Variants in OSBPL10 observed in about 807,000 individuals in gnomAD.
OSBPL10 encodes oxysterol binding protein like 10.
In OSBPL10, 49 loss-of-function variants were observed where a neutral mutation model predicts 81.7. That is an observed-to-expected ratio of 0.60 (90% CI 0.48 to 0.76). The LOEUF (loss-of-function observed/expected upper bound fraction) is 0.76. Ranked by LOEUF, OSBPL10 falls within the 30% of genes least tolerant of loss-of-function variation. The pLI is 0.00. For missense variants in OSBPL10, 923 were observed against 987.8 expected (o/e 0.93, Z 0.88); for synonymous variants, 419 against 383.6 (o/e 1.09, Z -1.08).
At chr3:31,831,429 AAAG>A (rs1700239305) in intron 3 of OSBPL10, among the ~76,000 whole-genome samples, 1 of 152,002 alleles carries the variant, frequency 6.6e-6, no homozygotes, top group South Asian at 2.1e-4. Flanking sequence ...AGAAAAGAAA[AAAG>A]AAAAGCTTGA....
At chr3:31,810,431 TATA>T (rs369989554) in intron 4 of OSBPL10, among the ~76,000 whole-genome samples, 12 of 149,774 alleles carry the variant, frequency 8.0e-5, no homozygotes, top group Non-Finnish European at 1.3e-4. Flanking sequence ...AAAAAATGTT[TATA>T]ATAATGACAC....
intron 1 of OSBPL10, among the ~76,000 whole-genome samples, chr3:31,956,737 A>G (rs1698020190): frequency 6.6e-6 from 1 of 152,046 alleles, no homozygotes; most frequent in East Asian, 1.9e-4. Flanking sequence ...TCAAAAAAAA[A>G]AAGGGGGCCT....
intron 2 of OSBPL10, among the ~76,000 whole-genome samples, chr3:31,877,146 C>T (rs1336332893): frequency 1.3e-5 from 2 of 152,124 alleles, no homozygotes; most frequent in African/African-American, 4.8e-5. Flanking sequence ...ACCTCATGAT[C>T]CACCCGCCTT....
chr3:31,726,322 T>A (rs1315799061), intron 6 of OSBPL10, among the ~76,000 whole-genome samples: 1 of 150,768 alleles, frequency 6.6e-6, no homozygotes, highest in South Asian at 2.1e-4. Context: ...TTTTTTTTTT[T>A]ATTTTATTTT....
chr3:32,018,173 A>C (rs1174245676), intron 2 of OSBPL10, among the ~76,000 whole-genome samples: 1 of 151,414 alleles, frequency 6.6e-6, no homozygotes, highest in Non-Finnish European at 1.5e-5. Context: ...TAAATAAATA[A>C]ATAAATAAAT....
At chr3:32,074,923 G>A (rs534130943) in intron 1 of OSBPL10, among the ~76,000 whole-genome samples, 1 of 152,274 alleles carries the variant, frequency 6.6e-6, no homozygotes, top group African/African-American at 2.4e-5. Flanking sequence ...AACTGGACAA[G>A]CACATGTACT....
intron 5 of OSBPL10, among the ~76,000 whole-genome samples, chr3:31,736,469 A>G (rs1374569034): frequency 6.6e-6 from 1 of 152,196 alleles, no homozygotes; most frequent in Non-Finnish European, 1.5e-5. Flanking sequence ...AGCTGAACTA[A>G]GAAAACCAGC....
chr3:31,770,901 A>C (rs1275888323), intron 4 of OSBPL10, among the ~76,000 whole-genome samples: 1 of 152,184 alleles, frequency 6.6e-6, no homozygotes, highest in Admixed American at 6.5e-5. Flanking sequence ...TGGTCGAGGG[A>C]GCACCCCATT....
chr3:31,727,601 T>G (rs7626200), intron 6 of OSBPL10, among the ~76,000 whole-genome samples: 15,032 of 152,204 alleles, frequency 0.099, 1,851 homozygotes, highest in African/African-American at 0.29. Context: ...ATAAAGTGAT[T>G]TTCAATCATC....
At chr3:31,978,193 T>C (rs4383559) in intron 1 of OSBPL10, among the ~76,000 whole-genome samples, 40,610 of 152,004 alleles carry the variant, frequency 0.27, 6,460 homozygotes, top group East Asian at 0.72. Context: ...CCTGAGAGGA[T>C]GAACCAAGAA....
intron 1 of OSBPL10, among the ~76,000 whole-genome samples, chr3:31,909,648 C>T (rs951678244): frequency 6.6e-5 from 10 of 152,138 alleles, no homozygotes; most frequent in Non-Finnish European, 1.2e-4. Flanking sequence ...GACACCCCAA[C>T]GATTTCACTT....
At chr3:31,847,176 C>T (rs367692917) in intron 3 of OSBPL10, among the ~76,000 whole-genome samples, 29 of 151,684 alleles carry the variant, frequency 1.9e-4, no homozygotes, top group African/African-American at 6.5e-4. Context: ...CACAAGTCAT[C>T]TGCAATTCTC....
chr3:31,693,521 C>T (rs781321708), intron 7 of OSBPL10, among the ~76,000 whole-genome samples: 6 of 152,162 alleles, frequency 3.9e-5, no homozygotes, highest in Non-Finnish European at 8.8e-5. Context: ...ATGTCATTTT[C>T]CATAAACCTG....
At chr3:32,044,013 C>T (rs191714654) in intron 2 of OSBPL10, among the ~76,000 whole-genome samples, 3 of 150,926 alleles carry the variant, frequency 2.0e-5, no homozygotes, top group East Asian at 1.9e-4. Context: ...GTACTGTGCT[C>T]ACTACCTATT....
chr3:31,780,359 T>C (rs564047713), intron 4 of OSBPL10, among the ~76,000 whole-genome samples: 69 of 151,898 alleles, frequency 4.5e-4, no homozygotes, highest in African/African-American at 1.6e-3. Flanking sequence ...AATGCCTACA[T>C]TGGAAAATTT....
chr3:31,960,182 G>A (rs1232411674), intron 1 of OSBPL10: 1 of 152,124 alleles, frequency 6.6e-6, no homozygotes, highest in Admixed American at 6.5e-5. Flanking sequence ...CACAGTCTGG[G>A]AATCTGGCAG....
Position 31,828,461 on chromosome 3 carries a change from A to G in OSBPL10, c.729+1579T>C, listed in dbSNP as rs185503963. ...TTTTGAAAAGGTGCTAAGAAAATGA[A>G]AAGAAATATAAACCTGTGCACAATC... On this transcript the variant is annotated intron_variant, in intron 4 of 11. Transcript: ENST00000396556. Among the ~76,000 whole-genome samples, 381 of 152,334 alleles carry G rather than the reference A, an allele frequency of 2.5e-3. 1 individual carries two copies. The highest frequency in any genetic ancestry group is 4.5e-3 in the Non-Finnish European group (306 of 68,032).
At chr3:31,852,644 T>G (rs1301096341) in intron 3 of OSBPL10, among the ~76,000 whole-genome samples, 2 of 152,086 alleles carry the variant, frequency 1.3e-5, no homozygotes, top group Admixed American at 1.3e-4. Flanking sequence ...AGTGGCATGC[T>G]CTCGACTCAC....
intron 3 of OSBPL10, among the ~76,000 whole-genome samples, chr3:31,850,245 G>C (rs1310862752): frequency 2.0e-5 from 3 of 151,886 alleles, no homozygotes; most frequent in African/African-American, 7.3e-5. Flanking sequence ...GAGGCAGAAG[G>C]ATCTCTTAAG....
Sources: gnomAD v4.1 joint callset for allele counts (sites outside exome capture counted in the v4.1 genomes callset) on GRCh38, gnomAD v4.1.1 for gene constraint, MANE v1.5 for transcripts, NCBI Gene and HGNC (gene_info 2026-07-23, HGNC 2026-07-21) for gene names.